The following EPYC variants were observed in gnomAD, a reference collection of about 807,000 sequenced individuals.
EPYC encodes the protein epiphycan, also known as dermatan sulfate proteoglycan 3.
A neutral mutation model predicts 30.1 loss-of-function variants in EPYC; 28 were observed. The ratio of observed to expected loss-of-function variants is 0.93; its 90% CI spans 0.69 to 1.28. The LOEUF is 1.28. EPYC is among the 50% of genes most tolerant of loss of function. The pLI is 0.00. For synonymous variants in EPYC, 144 were observed against 141.4 expected (o/e 1.02, Z -0.13); for missense variants, 382 against 383.5 (o/e 1.00, Z 0.03).
At chr12:90,982,034 G>T (rs1012037554) in intron 2 of EPYC, among the ~76,000 whole-genome samples, 1 of 152,086 alleles carries the variant, frequency 6.6e-6, no homozygotes, top group Admixed American at 6.6e-5. Context: ...TGGAAGGTTT[G>T]CCAGTCTTTA....
intron 4 of EPYC, 149 bp from the exon 5 acceptor site, chr12:90,972,151 C>G: frequency 1.8e-6 from 1 of 554,548 alleles, no homozygotes; most frequent in Non-Finnish European, 3.1e-6. Context: ...AAATTATTTC[C>G]TCCAAATACT....
In EPYC at chr12:90,969,724, T is replaced by G. The variant is rs578140190; in HGVS notation, c.798+320A>C. ...TCCCTTTTCTTTTCCACTTCTAATC[T>G]TTTCATTTTCTTCAACACGTGAAAC... On this transcript the variant is annotated intron_variant, in intron 6 of 6. Transcript: ENST00000261172. Among the ~76,000 whole-genome samples the G allele has an allele frequency of 6.2e-4, 95 of 152,252 alleles. 1 individual carries two copies. The highest frequency in any genetic ancestry group is 2.2e-3 in the African/African-American group (91 of 41,548).
chr12:90,987,024 A>G (rs1259903740), intron 2 of EPYC, among the ~76,000 whole-genome samples: 1 of 152,180 alleles, frequency 6.6e-6, no homozygotes, highest in Non-Finnish European at 1.5e-5. Flanking sequence ...AATTTTTGAT[A>G]CATTAAATGA....
chr12:90,966,222 TAGAA>T (rs757846064), intron 6 of EPYC, among the ~76,000 whole-genome samples: 6 of 152,060 alleles, frequency 3.9e-5, no homozygotes, highest in Non-Finnish European at 8.8e-5. Context: ...TTTCTGTTCT[TAGAA>T]AGAAAGTGTT....
chr12:90,976,915 T>C (rs1877198830), intron 3 of EPYC, among the ~76,000 whole-genome samples: 1 of 152,146 alleles, frequency 6.6e-6, no homozygotes, highest in South Asian at 2.1e-4. Flanking sequence ...AAGATACGCC[T>C]TTTGCCTTTC....
At chr12:90,964,400 G>A in intron 6 of EPYC, 74 bp from the exon 7 acceptor site, 4 of 1,031,078 alleles carry the variant, frequency 3.9e-6, no homozygotes, top group Non-Finnish European at 5.6e-6. Context: ...AGTCCACTGT[G>A]CTTCACCCTT....
intron 6 of EPYC, among the ~76,000 whole-genome samples, chr12:90,965,722 G>A (rs1025274695): frequency 3.9e-5 from 6 of 151,916 alleles, no homozygotes; most frequent in Non-Finnish European, 7.4e-5. Flanking sequence ...AGATTAATTT[G>A]GGGACCATTT....
At chr12:90,969,601 A>C (rs994008351) in intron 6 of EPYC, among the ~76,000 whole-genome samples, 1 of 151,256 alleles carries the variant, frequency 6.6e-6, no homozygotes. Flanking sequence ...ATGCCTTAGG[A>C]CTGAATTTAA....
intron 2 of EPYC, among the ~76,000 whole-genome samples, chr12:90,991,777 G>A (rs191251587): frequency 3.3e-5 from 5 of 152,190 alleles, no homozygotes; most frequent in African/African-American, 9.6e-5. Flanking sequence ...TTAGGCACTG[G>A]GATTTTAAAA....
chr12:90,966,514 T>C (rs1048348621), intron 6 of EPYC, among the ~76,000 whole-genome samples: 17 of 152,206 alleles, frequency 1.1e-4, no homozygotes, highest in African/African-American at 4.1e-4. Context: ...ATCTTTTCTA[T>C]ATGTTGGTGA....
chr12:90,999,816 GT>G (rs1158137662), intron 2 of EPYC, among the ~76,000 whole-genome samples: 1 of 151,686 alleles, frequency 6.6e-6, no homozygotes, highest in Non-Finnish European at 1.5e-5. Flanking sequence ...TTTTTTGCTT[GT>G]TTGAAAAGCA....
At chr12:90,964,842 A>G (rs1876856332) in intron 6 of EPYC, among the ~76,000 whole-genome samples, 1 of 152,164 alleles carries the variant, frequency 6.6e-6, no homozygotes, top group Non-Finnish European at 1.5e-5. Context: ...AATATCCGGA[A>G]GATAAGCAGG....
chr12:90,995,876 T>C (rs1405072111), intron 2 of EPYC, among the ~76,000 whole-genome samples: 6 of 151,904 alleles, frequency 3.9e-5, no homozygotes, highest in Admixed American at 3.3e-4. Flanking sequence ...TCAGCAAAAT[T>C]CTTTCCTCCC....
intron 3 of EPYC, among the ~76,000 whole-genome samples, chr12:90,975,770 T>G (rs1018156872): frequency 3.3e-5 from 5 of 152,124 alleles, no homozygotes; most frequent in Non-Finnish European, 7.4e-5. Flanking sequence ...TTTCCTATTT[T>G]GGGTGCTTTA....
chr12:90,981,115 C>T (rs1402150826), intron 2 of EPYC, among the ~76,000 whole-genome samples: 1 of 152,112 alleles, frequency 6.6e-6, no homozygotes, highest in Non-Finnish European at 1.5e-5. Flanking sequence ...AACAGTATAT[C>T]TATTCCAGAG....
At chr12:90,966,522 T>G (rs1876900613) in intron 6 of EPYC, among the ~76,000 whole-genome samples, 1 of 152,116 alleles carries the variant, frequency 6.6e-6, no homozygotes, top group Non-Finnish European at 1.5e-5. Flanking sequence ...TATATGTTGG[T>G]GAATTCCGTT....
chr12:90,985,295 A>G (rs940550047), intron 2 of EPYC, among the ~76,000 whole-genome samples: 8 of 152,156 alleles, frequency 5.3e-5, no homozygotes, highest in Admixed American at 1.3e-4. Context: ...GCCTTCCTCA[A>G]GTGACTATGG....
intron 2 of EPYC, among the ~76,000 whole-genome samples, chr12:90,997,594 C>T (rs1400147542): frequency 6.6e-6 from 1 of 152,044 alleles, no homozygotes. Flanking sequence ...TTAAAACACT[C>T]AAAGAATATC....
rs568241207 is a variant in EPYC, at chr12:90,973,840, G to A, written c.341-860C>T. Among the ~76,000 whole-genome samples, 19 of 152,200 alleles carry A rather than the reference G, an allele frequency of 1.2e-4. No individual in the cohort carries two copies. In the South Asian group the frequency reaches 3.5e-3, roughly 28 times the overall value. On this transcript the variant is annotated intron_variant, in intron 3 of 6. Transcript: ENST00000261172. ...ATAAGGATGGGCAGAGGTATCATAC[G>A]ATGCGGTTTGCATGGTAAGAGTTAA...
Sources: allele counts gnomAD v4.1 joint callset (sites outside exome capture counted in the v4.1 genomes callset), GRCh38; gene constraint gnomAD v4.1.1; transcripts MANE v1.5; gene names NCBI Gene and HGNC (gene_info 2026-07-23, HGNC 2026-07-21).